The following EBF1 variants were observed in gnomAD, a reference collection of about 807,000 sequenced individuals.
The protein encoded by EBF1 is EBF transcription factor 1.
In EBF1, 10 loss-of-function variants were observed where a neutral mutation model predicts 68.4. The ratio of observed to expected loss-of-function variants is 0.15; its 90% CI spans 0.09 to 0.25. EBF1 has a LOEUF of 0.25. Ranked by LOEUF, EBF1 falls within the 10% of genes least tolerant of loss-of-function variation. The pLI is 1.00. For synonymous variants in EBF1, 298 were observed against 299.8 expected, an observed-to-expected ratio of 0.99 and a Z score of 0.06; for missense variants, 509 against 794.4, an observed-to-expected ratio of 0.64 and a Z score of 4.32.
intron 10 of EBF1, among the ~76,000 whole-genome samples, chr5:158,747,988 T>C (rs1767972736): frequency 6.6e-6 from 1 of 152,188 alleles, no homozygotes; most frequent in Non-Finnish European, 1.5e-5. Context: ...GGACTGCCCC[T>C]GTGGAAGCAT....
At chr5:158,872,751 C>T (rs568731743) in intron 6 of EBF1, among the ~76,000 whole-genome samples, 49 of 152,218 alleles carry the variant, frequency 3.2e-4, no homozygotes, top group Non-Finnish European at 5.7e-4. Flanking sequence ...TCATGCTTCA[C>T]TTTTCTTTTC....
intron 6 of EBF1, among the ~76,000 whole-genome samples, chr5:158,980,291 C>T (rs1757645179): frequency 6.6e-6 from 1 of 152,228 alleles, no homozygotes; most frequent in South Asian, 2.1e-4. Context: ...ACTTCTCCAG[C>T]TTTGTTGGGA....
intron 6 of EBF1, among the ~76,000 whole-genome samples, chr5:159,030,079 G>A (rs1768465012): frequency 7.9e-6 from 1 of 126,244 alleles, no homozygotes; most frequent in Admixed American, 8.3e-5. Flanking sequence ...TTAAACCTAG[G>A]CTATGTAGAG....
intron 8 of EBF1, among the ~76,000 whole-genome samples, chr5:158,796,873 C>G (rs1047147191): frequency 6.6e-6 from 1 of 152,042 alleles, no homozygotes; most frequent in African/African-American, 2.4e-5. Flanking sequence ...AGAAAACTTA[C>G]GTTTTTTTAG....
At position 158,840,960 on chromosome 5, in the gene EBF1, C is replaced by T. The variant is rs12055161; in HGVS notation, c.555-850G>A. 6.6e-4 allele frequency among the ~76,000 whole-genome samples: 101 copies of T among 152,076 alleles called. No individual in the cohort carries two copies. The East Asian group carries it at 0.019, about 29-fold the overall frequency. On this transcript the variant is annotated intron_variant, in intron 6 of 15. Coordinates refer to ENST00000313708, the MANE Select transcript of EBF1 (RefSeq NM_024007.5). ...TGCTGGGATTACAGGCGTGAGCCAC[C>T]GCGCCAGGCCCTCCTGTTTTTCTTA...
At chr5:158,974,919 C>T (rs752823251) in intron 6 of EBF1, among the ~76,000 whole-genome samples, 3 of 152,182 alleles carry the variant, frequency 2.0e-5, no homozygotes, top group Non-Finnish European at 4.4e-5. Context: ...CTCTGTCCTG[C>T]CCCAAAGGCT....
At chr5:158,776,854 TTCTC>T (rs930568268) in intron 10 of EBF1, among the ~76,000 whole-genome samples, 1 of 152,184 alleles carries the variant, frequency 6.6e-6, no homozygotes, top group Non-Finnish European at 1.5e-5. Flanking sequence ...TGCTGCCTGG[TTCTC>T]TCTGTCTGAT....
intron 6 of EBF1, among the ~76,000 whole-genome samples, chr5:159,000,962 T>C (rs1762413902): frequency 6.6e-6 from 1 of 152,168 alleles, no homozygotes; most frequent in South Asian, 2.1e-4. Flanking sequence ...CAAAGAAGAA[T>C]AGTCACAGCT....
At chr5:158,704,291 T>C (rs1757383391) in intron 15 of EBF1, among the ~76,000 whole-genome samples, 3 of 152,290 alleles carry the variant, frequency 2.0e-5, no homozygotes, top group East Asian at 3.9e-4. Flanking sequence ...ATGCGTGTAG[T>C]AACCGGAGGA....
At chr5:158,875,761 G>T (rs1271988418) in intron 6 of EBF1, among the ~76,000 whole-genome samples, 1 of 152,216 alleles carries the variant, frequency 6.6e-6, no homozygotes, top group African/African-American at 2.4e-5. Flanking sequence ...ATTTTACAGA[G>T]ATTAGCATTC....
chr5:159,060,266 C>T (rs1273269071), intron 6 of EBF1, among the ~76,000 whole-genome samples: 2 of 152,094 alleles, frequency 1.3e-5, no homozygotes, highest in African/African-American at 4.8e-5. Context: ...ATTTTTAAAT[C>T]GTTATCCTTT....
intron 6 of EBF1, among the ~76,000 whole-genome samples, chr5:159,058,799 G>A (rs577887578): frequency 4.6e-5 from 7 of 152,196 alleles, no homozygotes; most frequent in East Asian, 1.9e-4. Context: ...GCTTGAATTC[G>A]TAATTCATAC....
chr5:158,802,671 G>A (rs898233410), intron 8 of EBF1, among the ~76,000 whole-genome samples: 16 of 152,126 alleles, frequency 1.1e-4, no homozygotes, highest in Non-Finnish European at 2.1e-4. Context: ...ATGGGCAAGA[G>A]CTCCAGTTGT....
At chr5:158,798,936 A>G (rs1406016734) in intron 8 of EBF1, among the ~76,000 whole-genome samples, 1 of 152,178 alleles carries the variant, frequency 6.6e-6, no homozygotes, top group Non-Finnish European at 1.5e-5. Flanking sequence ...CCATTCTTAG[A>G]GCAGGTAAGT....
intron 15 of EBF1, among the ~76,000 whole-genome samples, chr5:158,700,511 TAAAAAAA>T (rs76186329): frequency 7.6e-6 from 1 of 131,570 alleles, no homozygotes; most frequent in Non-Finnish European, 1.7e-5. Flanking sequence ...AATGTGCCTT[TAAAAAAA>T]AAAAAAAAAG....
intron 6 of EBF1, chr5:158,941,134 T>C (rs1813273409): frequency 2.2e-6 from 1 of 453,822 alleles, no homozygotes; most frequent in South Asian, 1.6e-5. Context: ...AAGATGAACA[T>C]ATGGCACGTG....
In EBF1 at chr5:158,788,754, G is replaced by A. The variant is rs116479242; in HGVS notation, c.909+7591C>T. The stretch of plus-strand genomic sequence containing the variant: ...AAAATTAGAAATTCATCACACTTCT[G>A]TGGTTCCTATTTTCAAGTTACAGAC... On this transcript the variant is annotated intron_variant, in intron 9 of 15. Transcript: ENST00000313708. Among the ~76,000 whole-genome samples, 656 of 152,250 alleles carry A rather than the reference G, an allele frequency of 4.3e-3. 7 individuals carry two copies. The highest frequency in any genetic ancestry group is 0.015 in the African/African-American group (628 of 41,548).
At chr5:158,949,790 C>G (rs763816791) in intron 6 of EBF1, among the ~76,000 whole-genome samples, 1 of 152,184 alleles carries the variant, frequency 6.6e-6, no homozygotes, top group African/African-American at 2.4e-5. Context: ...CCATACACAC[C>G]CTACCCATAT....
chr5:158,698,471 C>CAATACAAA lies in EBF1; in HGVS notation c.*632_*639dup. 4.6e-6 allele frequency: 1 copy of CAATACAAA among 219,476 alleles called. No individual in the cohort carries two copies. The highest frequency in any genetic ancestry group is 9.2e-6 in the Non-Finnish European group (1 of 109,138). 13.6% of individuals were successfully genotyped at this position (219,476 alleles called of 1,614,324 possible). A position where few individuals can be genotyped will look rare whatever the true frequency, so the allele number is the denominator to read the frequency against. The stretch of plus-strand genomic sequence containing the variant: ...TTATTTACACAGTTGCTTAAGACAA[C>CAATACAAA]AATACAAAAGAGATAAATAAGCTTG... On this transcript the variant is annotated 3_prime_UTR_variant, in exon 16 of 16. Transcript: ENST00000313708.
Sources: gnomAD v4.1 joint callset for allele counts (sites outside exome capture counted in the v4.1 genomes callset) on GRCh38, gnomAD v4.1.1 for gene constraint, MANE v1.5 for transcripts, NCBI Gene and HGNC (gene_info 2026-07-23, HGNC 2026-07-21) for gene names.